Variants in TTC39C observed in about 807,000 individuals in gnomAD.
The protein encoded by TTC39C is tetratricopeptide repeat domain 39C, also known as tetratricopeptide repeat protein 39C.
Under a neutral mutation model 76.3 loss-of-function variants are expected in TTC39C, and 33 were observed. That is an observed-to-expected ratio of 0.43 (90% confidence interval 0.33 to 0.58). The LOEUF is 0.58. Ranked by LOEUF, TTC39C falls within the 20% of genes least tolerant of loss-of-function variation. TTC39C has a pLI of 0.04. For synonymous variants in TTC39C, 254 were observed against 260.6 expected, an observed-to-expected ratio of 0.97 and a Z score of 0.24; for missense variants, 595 against 701.4, an observed-to-expected ratio of 0.85 and a Z score of 1.71.
chr18:24,120,788 T>C (rs796673596), intron 8 of TTC39C, among the ~76,000 whole-genome samples: 10 of 152,360 alleles, frequency 6.6e-5, no homozygotes, highest in African/African-American at 2.4e-4. Context: ...AAGTGAAATA[T>C]ATTTGTCCTT....
At chr18:23,999,267 G>C (rs2083293270) in intron 1 of TTC39C, among the ~76,000 whole-genome samples, 1 of 152,286 alleles carries the variant, frequency 6.6e-6, no homozygotes, top group African/African-American at 2.4e-5. Context: ...TAAGGTATAA[G>C]GCTCTATCCC....
At chr18:24,102,072 C>T (rs748450738) in intron 6 of TTC39C, among the ~76,000 whole-genome samples, 1 of 152,188 alleles carries the variant, frequency 6.6e-6, no homozygotes, top group African/African-American at 2.4e-5. Flanking sequence ...TAGGAGAAGA[C>T]GTCAGCCTTC....
At chr18:24,031,509 A>C (rs1465594070) in intron 1 of TTC39C, among the ~76,000 whole-genome samples, 1 of 152,154 alleles carries the variant, frequency 6.6e-6, no homozygotes, top group Non-Finnish European at 1.5e-5. Flanking sequence ...CTGGTTGTAC[A>C]CACTAGAAGG....
At chr18:24,120,211 G>C (rs985909691) in intron 8 of TTC39C, among the ~76,000 whole-genome samples, 2 of 152,202 alleles carry the variant, frequency 1.3e-5, no homozygotes. Context: ...TAAGCCAGGC[G>C]TGGTGGCGCA....
chr18:24,084,865 A>G (rs1316585478), intron 6 of TTC39C, among the ~76,000 whole-genome samples: 1 of 151,916 alleles, frequency 6.6e-6, no homozygotes, highest in Non-Finnish European at 1.5e-5. Flanking sequence ...GGGTCTCCCT[A>G]TTTTGGCCAG....
At chr18:24,001,953 G>C (rs1410984769) in intron 1 of TTC39C, among the ~76,000 whole-genome samples, 1 of 150,958 alleles carries the variant, frequency 6.6e-6, no homozygotes, top group African/African-American at 2.4e-5. Context: ...AGCCTCCCGA[G>C]TAGCTGGGAC....
chr18:24,060,868 G>A (rs1473590618), intron 1 of TTC39C, among the ~76,000 whole-genome samples: 1 of 152,122 alleles, frequency 6.6e-6, no homozygotes, highest in African/African-American at 2.4e-5. Context: ...TTTGGGGTCA[G>A]TTTTTAAGGG....
At chr18:24,089,411 G>A (rs2084490126) in intron 6 of TTC39C, among the ~76,000 whole-genome samples, 1 of 152,128 alleles carries the variant, frequency 6.6e-6, no homozygotes. Context: ...ATCCTACGTG[G>A]TTCTGTTAAT....
chr18:24,049,498 A>G (rs1482145824), intron 1 of TTC39C, among the ~76,000 whole-genome samples: 3 of 152,200 alleles, frequency 2.0e-5, no homozygotes, highest in African/African-American at 7.2e-5. Flanking sequence ...TTATTCATCA[A>G]GTACCCATTG....
intron 1 of TTC39C, among the ~76,000 whole-genome samples, chr18:24,023,964 A>ATATATATACACG (rs2083552922): frequency 9.8e-5 from 1 of 10,198 alleles, no homozygotes; most frequent in African/African-American, 1.7e-4. Context: ...ATATATATAT[A>ATATATATACACG]TATATATATA....
chr18:24,059,695 G>C (rs191550155), intron 1 of TTC39C, among the ~76,000 whole-genome samples: 1 of 152,276 alleles, frequency 6.6e-6, no homozygotes, highest in African/African-American at 2.4e-5. Context: ...TGTGTCTTTA[G>C]AACAATTTAT....
chr18:24,020,097 C>T, intron 1 of TTC39C: 1 of 1,282,512 alleles, frequency 7.8e-7, no homozygotes, highest in Non-Finnish European at 9.8e-7. Context: ...TCCACAGATG[C>T]AGAGATGTAA....
At chr18:24,125,391 T>C (rs1568447057) in intron 9 of TTC39C, 36 bp from the exon 10 acceptor site, 3 of 1,612,410 alleles carry the variant, frequency 1.9e-6, no homozygotes, top group Admixed American at 1.7e-5. Context: ...AATTTGTTTT[T>C]GAAAAATGTA....
At chr18:24,024,631 C>T (rs1375298780) in intron 1 of TTC39C, among the ~76,000 whole-genome samples, 1 of 152,058 alleles carries the variant, frequency 6.6e-6, no homozygotes, top group Non-Finnish European at 1.5e-5. Context: ...GTATTAATTT[C>T]CTGTGTTAAG....
intron 6 of TTC39C, among the ~76,000 whole-genome samples, chr18:24,090,181 A>G (rs986120617): frequency 6.6e-6 from 1 of 152,152 alleles, no homozygotes; most frequent in Non-Finnish European, 1.5e-5. Context: ...TTGTTTCCCA[A>G]TATTTCAATG....
At chr18:24,029,689 T>A (rs199655851) in intron 1 of TTC39C, among the ~76,000 whole-genome samples, 1 of 151,890 alleles carries the variant, frequency 6.6e-6, no homozygotes, top group African/African-American at 2.4e-5. Flanking sequence ...CCAAAGTCTA[T>A]TGTCATTGTT....
chr18:23,997,603 A>T, intron 1 of TTC39C, among the ~76,000 whole-genome samples: 3 of 139,906 alleles, frequency 2.1e-5, no homozygotes, highest in South Asian at 2.5e-4. Context: ...AGAGGGAAGG[A>T]GGGAGGGAGG....
At chr18:24,015,967 A>G (rs906666589) in intron 1 of TTC39C, among the ~76,000 whole-genome samples, 2 of 152,134 alleles carry the variant, frequency 1.3e-5, no homozygotes, top group African/African-American at 2.4e-5. Flanking sequence ...GCTTTCCCCA[A>G]CACGTTTAAG....
At position 24,130,429 on chromosome 18, in the gene TTC39C, T is replaced by G. The variant is rs2085111291; in HGVS notation, c.1623+12T>G. Reference sequence around the variant, plus strand: ...TAGACAAACCAGAGGTAAGATCTTATATATATAATATAATATATATTTTTA... The same window carrying G: ...TAGACAAACCAGAGGTAAGATCTTAGATATATAATATAATATATATTTTTA... On this transcript the variant is annotated intron_variant, in intron 12 of 13. Transcript: ENST00000317571. 1 of 1,027,048 alleles carries G rather than the reference T, an allele frequency of 9.7e-7. No individual in the cohort carries two copies. Among genetic ancestry groups the G allele is most frequent in the Non-Finnish European group, 1.3e-6 (1 of 772,288 alleles). The allele number at this position is 1,027,048 out of a possible 1,614,324, so 63.6% of individuals were successfully genotyped here.
Sources: allele counts gnomAD v4.1 joint callset (sites outside exome capture counted in the v4.1 genomes callset), GRCh38; gene constraint gnomAD v4.1.1; transcripts MANE v1.5; gene names NCBI Gene and HGNC (gene_info 2026-07-23, HGNC 2026-07-21).